Variants in SLCO2A1 observed in about 807,000 individuals in gnomAD.
SLCO2A1 encodes the protein matrin F/G 1.
A neutral mutation model predicts 71.7 loss-of-function variants in SLCO2A1; 60 were observed. The ratio of observed to expected loss-of-function variants is 0.84; its 90% CI spans 0.68 to 1.04. The LOEUF (loss-of-function observed/expected upper bound fraction) is 1.04. Ranked by LOEUF, SLCO2A1 falls within the 50% of genes least tolerant of loss-of-function variation. The pLI is 0.00. For synonymous variants in SLCO2A1, 308 were observed against 326.7 expected, an observed-to-expected ratio of 0.94 and a Z score of 0.62; for missense variants, 745 against 813.4, an observed-to-expected ratio of 0.92 and a Z score of 1.02.
At chr3:133,987,991 C>T (rs1934754811) in intron 1 of SLCO2A1, among the ~76,000 whole-genome samples, 2 of 152,202 alleles carry the variant, frequency 1.3e-5, no homozygotes, top group Admixed American at 6.5e-5. Context: ...AAGAACAGCA[C>T]AGAAAAACCT....
At chr3:134,020,353 C>T (rs926250161) in intron 1 of SLCO2A1, among the ~76,000 whole-genome samples, 1 of 152,156 alleles carries the variant, frequency 6.6e-6, no homozygotes, top group African/African-American at 2.4e-5. Flanking sequence ...GTTCCCTGAC[C>T]GGGAAGCGAG....
At chr3:133,988,143 A>C (rs1387839926) in intron 1 of SLCO2A1, among the ~76,000 whole-genome samples, 1 of 152,228 alleles carries the variant, frequency 6.6e-6, no homozygotes, top group Non-Finnish European at 1.5e-5. Flanking sequence ...CATGACAGGA[A>C]GTGGGAGTAT....
chr3:134,013,729 G>C (rs1935387179), intron 1 of SLCO2A1, among the ~76,000 whole-genome samples: 1 of 152,194 alleles, frequency 6.6e-6, no homozygotes. Context: ...CATCTTCCTA[G>C]AGCATCAATG....
intron 1 of SLCO2A1, among the ~76,000 whole-genome samples, chr3:134,029,385 C>G (rs1198818693): frequency 6.6e-6 from 1 of 152,208 alleles, no homozygotes; most frequent in Non-Finnish European, 1.5e-5. Flanking sequence ...GGACAATTCT[C>G]TCGCTTATAA....
At chr3:133,993,743 T>A (rs1205289774) in intron 1 of SLCO2A1, among the ~76,000 whole-genome samples, 1 of 152,334 alleles carries the variant, frequency 6.6e-6, no homozygotes, top group South Asian at 2.1e-4. Flanking sequence ...CTGCTTTGCA[T>A]CCATTTATGG....
intron 1 of SLCO2A1, among the ~76,000 whole-genome samples, chr3:134,027,408 C>T (rs1430232199): frequency 1.3e-5 from 2 of 152,146 alleles, no homozygotes; most frequent in South Asian, 2.1e-4. Context: ...TGTTTTGTTC[C>T]GATCTAATTA....
intron 1 of SLCO2A1, among the ~76,000 whole-genome samples, chr3:134,016,261 G>T (rs1314767324): frequency 6.6e-6 from 1 of 151,806 alleles, no homozygotes; most frequent in African/African-American, 2.4e-5. Context: ...TAGTCTAGAA[G>T]AAAATCATTT....
chr3:133,992,374 G>A (rs1465309874), intron 1 of SLCO2A1, among the ~76,000 whole-genome samples: 1 of 152,232 alleles, frequency 6.6e-6, no homozygotes, highest in African/African-American at 2.4e-5. Flanking sequence ...GCACAAGAAA[G>A]GGAGGTAGAA....
chr3:133,950,171 A>C (rs1254546743), intron 6 of SLCO2A1, among the ~76,000 whole-genome samples: 3 of 152,138 alleles, frequency 2.0e-5, no homozygotes, highest in Non-Finnish European at 4.4e-5. Flanking sequence ...TATAAGTAGC[A>C]GAGCTTCATT....
At chr3:133,962,831 C>A (rs2108049697) in intron 3 of SLCO2A1, among the ~76,000 whole-genome samples, 1 of 152,302 alleles carries the variant, frequency 6.6e-6, no homozygotes, top group Non-Finnish European at 1.5e-5. Flanking sequence ...ACATGCCTGC[C>A]TTTTCCTGCT....
intron 1 of SLCO2A1, among the ~76,000 whole-genome samples, chr3:134,000,577 C>T (rs78836569): frequency 2.0e-5 from 3 of 152,082 alleles, no homozygotes; most frequent in East Asian, 1.9e-4. Context: ...TTTTAGCCTA[C>T]GGAAACTCTA....
intron 1 of SLCO2A1, among the ~76,000 whole-genome samples, chr3:133,980,915 C>G (rs1196217084): frequency 6.6e-6 from 1 of 152,234 alleles, no homozygotes; most frequent in Non-Finnish European, 1.5e-5. Context: ...GGCCACCCCA[C>G]TCCTCCCAGG....
intron 3 of SLCO2A1, among the ~76,000 whole-genome samples, chr3:133,957,935 A>G (rs1413924073): frequency 1.3e-5 from 2 of 152,232 alleles, no homozygotes; most frequent in African/African-American, 2.4e-5. Flanking sequence ...ATGCCCAAGC[A>G]TGAGAAGTCA....
At chr3:134,020,259 A>G in intron 1 of SLCO2A1, among the ~76,000 whole-genome samples, 1 of 152,172 alleles carries the variant, frequency 6.6e-6, no homozygotes, top group East Asian at 1.9e-4. Flanking sequence ...AGTCTTGCCG[A>G]TGCCCCCAGC....
chr3:133,999,664 G>A (rs547773561), intron 1 of SLCO2A1, among the ~76,000 whole-genome samples: 3 of 152,198 alleles, frequency 2.0e-5, no homozygotes, highest in Non-Finnish European at 4.4e-5. Flanking sequence ...TGAGGCTGGA[G>A]CTGAGGTTTT....
At chr3:133,976,076 G>T (rs1444319760) in intron 2 of SLCO2A1, among the ~76,000 whole-genome samples, 1 of 152,206 alleles carries the variant, frequency 6.6e-6, no homozygotes, top group East Asian at 1.9e-4. Context: ...TTGAACAAAT[G>T]AATGAATGAG....
In SLCO2A1 at chr3:133,934,739, C is replaced by T. The variant is rs764309379; in HGVS notation, c.1906G>A (p.Val636Met). Residue 636 changes from valine to methionine, a missense_variant, in exon 14 of 14, where the codon GTG becomes ATG. Coordinates refer to ENST00000310926, the MANE Select transcript of SLCO2A1 (RefSeq NM_005630.3). The part of the protein sequence containing the change: ...WRVKKNKEYN[V>M]QKAAGLI ...CAGATGAGGCCTGCCGCCTTCTGCA[C>T]GTTGTACTCCTTGTTCTTCTTCACC... is the stretch of plus-strand genomic sequence containing the variant. 1.9e-5 allele frequency: 31 copies of T among 1,613,634 alleles called. No individual in the cohort carries two copies. Among genetic ancestry groups the T allele is most frequent in the Middle Eastern group, 1.7e-4 (1 of 5,964 alleles).
At chr3:133,951,565 C>T (rs1576430935) in intron 5 of SLCO2A1, among the ~76,000 whole-genome samples, 5 of 152,298 alleles carry the variant, frequency 3.3e-5, no homozygotes, top group Admixed American at 3.3e-4. Context: ...ATCAGAAAAT[C>T]CCCGGGCAGG....
At chr3:133,971,875 T>C (rs377246287) in intron 3 of SLCO2A1, among the ~76,000 whole-genome samples, 2 of 152,308 alleles carry the variant, frequency 1.3e-5, no homozygotes, top group South Asian at 4.1e-4. Flanking sequence ...ATGACGGTCC[T>C]GGGTGCTGAG....
Sources: gnomAD v4.1 joint callset for allele counts (sites outside exome capture counted in the v4.1 genomes callset) on GRCh38, gnomAD v4.1.1 for gene constraint, MANE v1.5 for transcripts, NCBI Gene and HGNC (gene_info 2026-07-23, HGNC 2026-07-21) for gene names.